PGPEP1L: variants seen among roughly 807,000 people sequenced by gnomAD.
PGPEP1L encodes pyroglutamyl-peptidase 1-like protein.
PGPEP1L carries 7 observed loss-of-function variants against 6.0 expected under a neutral mutation model. The observed-to-expected ratio is 1.17, with a 90% CI of 0.66 to 2.19. The LOEUF is 2.19. PGPEP1L is among the 30% of genes most tolerant of loss of function. PGPEP1L has a pLI of 0.00. For synonymous variants in PGPEP1L, 103 were observed against 83.9 expected (o/e 1.23, Z -1.24); for missense variants, 209 against 192.5 (o/e 1.09, Z -0.51).
chr15:98,981,501 A>AAC (rs1555471084), intron 2 of PGPEP1L, among the ~76,000 whole-genome samples: 91 of 149,044 alleles, frequency 6.1e-4, no homozygotes, highest in African/African-American at 2.2e-3. Flanking sequence ...AAAAAAAAAA[A>AAC]AAAAACAAAA....
At chr15:98,971,324 G>A (rs1227581221) in intron 2 of PGPEP1L, among the ~76,000 whole-genome samples, 166 bp from the exon 3 acceptor site, 1 of 151,934 alleles carries the variant, frequency 6.6e-6, no homozygotes, top group East Asian at 1.9e-4. Flanking sequence ...CAAGAAGAGA[G>A]CCACAGTTCC....
chr15:98,982,960 C>G (rs1033056796), intron 2 of PGPEP1L, among the ~76,000 whole-genome samples: 1 of 151,976 alleles, frequency 6.6e-6, no homozygotes, highest in Admixed American at 6.6e-5. Flanking sequence ...ATCCACCTGC[C>G]TCAGCCTCCC....
chr15:98,979,677 G>A (rs1429106130), intron 2 of PGPEP1L, among the ~76,000 whole-genome samples: 2 of 104,792 alleles, frequency 1.9e-5, no homozygotes, highest in African/African-American at 7.4e-5. Context: ...TGGAGACAGA[G>A]TCTCACTCTG....
intron 2 of PGPEP1L, among the ~76,000 whole-genome samples, chr15:99,004,602 C>T (rs2018021538): frequency 6.6e-6 from 1 of 152,138 alleles, no homozygotes; most frequent in Non-Finnish European, 1.5e-5. Context: ...CCTGTAGTCC[C>T]AGCTACTCGG....
intron 2 of PGPEP1L, chr15:98,998,002 CCCTGCG>C (rs2017911304): frequency 6.6e-6 from 1 of 152,534 alleles, no homozygotes; most frequent in Admixed American, 6.5e-5. Flanking sequence ...TTCCCCCTGC[CCCTGCG>C]GATCTGGTTA....
Position 98,971,295 on chromosome 15 carries a change from T to G in PGPEP1L, c.-141-137A>C, listed in dbSNP as rs571899606. 442 of 1,234,596 alleles carry G rather than the reference T, an allele frequency of 3.6e-4. 3 individuals are homozygous for G. The African/African-American group carries it at 6.5e-3, about 18-fold the overall frequency. 76.5% of individuals were successfully genotyped at this position (1,234,596 alleles called of 1,614,324 possible). A position where few individuals can be genotyped will look rare whatever the true frequency, so the allele number is the denominator to read the frequency against. The stretch of plus-strand genomic sequence containing the variant: ...AGCCTGGACTTTGCCCTCAAGGAGC[T>G]CACAAAGTGGCAAGGGGCCAAGAAG... On this transcript the variant is annotated intron_variant, in intron 2 of 4. Transcript: ENST00000535714.
chr15:98,985,029 G>A (rs1001246288), intron 2 of PGPEP1L, among the ~76,000 whole-genome samples: 3 of 152,058 alleles, frequency 2.0e-5, no homozygotes, highest in Admixed American at 1.3e-4. Context: ...TGGTCACCAC[G>A]CACACGGCCC....
chr15:98,972,744 A>C (rs1819164210), intron 2 of PGPEP1L, among the ~76,000 whole-genome samples: 1 of 151,690 alleles, frequency 6.6e-6, no homozygotes, highest in Non-Finnish European at 1.5e-5. Context: ...GGTGGCAGGC[A>C]CCTGTAGTCC....
intron 3 of PGPEP1L, 136 bp downstream of exon 3, chr15:98,970,900 G>T: frequency 7.8e-7 from 1 of 1,278,756 alleles, no homozygotes; most frequent in East Asian, 2.5e-5. Context: ...ACAATCAGCT[G>T]GGACCTTGCA....
intron 2 of PGPEP1L, among the ~76,000 whole-genome samples, chr15:98,972,069 T>A (rs2017505218): frequency 6.6e-6 from 1 of 152,150 alleles, no homozygotes; most frequent in African/African-American, 2.4e-5. Context: ...ATAAATAGCA[T>A]GGGCCAGGCA....
intron 2 of PGPEP1L, among the ~76,000 whole-genome samples, chr15:98,975,983 T>TG (rs2017563963): frequency 6.6e-6 from 1 of 151,810 alleles, no homozygotes; most frequent in Non-Finnish European, 1.5e-5. Flanking sequence ...AAAAGACAAA[T>TG]GTGTGATTTC....
At chr15:99,002,648 T>A (rs534286990) in intron 2 of PGPEP1L, among the ~76,000 whole-genome samples, 25 of 151,804 alleles carry the variant, frequency 1.6e-4, no homozygotes, top group African/African-American at 5.8e-4. Context: ...TATATTTATT[T>A]CAAAATAAAA....
At chr15:98,971,188 A>T in intron 2 of PGPEP1L, 30 bp from the exon 3 acceptor site, 23 of 564,768 alleles carry the variant, frequency 4.1e-5, no homozygotes, top group East Asian at 1.1e-4. Flanking sequence ...GACTTGCCTC[A>T]GTTGATGGGG....
chr15:98,978,194 AAC>A (rs1164296821), intron 2 of PGPEP1L, among the ~76,000 whole-genome samples: 1 of 152,206 alleles, frequency 6.6e-6, no homozygotes, highest in Non-Finnish European at 1.5e-5. Flanking sequence ...CAAGAGAGGA[AAC>A]ACAGCAGCAC....
At chr15:98,993,581 A>C (rs1465122366) in intron 2 of PGPEP1L, among the ~76,000 whole-genome samples, 1 of 151,726 alleles carries the variant, frequency 6.6e-6, no homozygotes, top group African/African-American at 2.4e-5. Context: ...ACAGAAAATC[A>C]AACACTGCAT....
At chr15:98,999,574 T>C (rs2017931945) in intron 2 of PGPEP1L, among the ~76,000 whole-genome samples, 1 of 152,210 alleles carries the variant, frequency 6.6e-6, no homozygotes, top group South Asian at 2.1e-4. Flanking sequence ...CTCCTGGACA[T>C]TTATCTCAGA....
At position 98,971,137 on chromosome 15, in the gene PGPEP1L, C is replaced by G. The variant is rs1173626645; in HGVS notation, c.-120G>C. The G allele has an allele frequency of 1.2e-6, 2 of 1,603,296 alleles. No homozygotes were observed. Among genetic ancestry groups the G allele is most frequent in the African/African-American group, 2.7e-5 (2 of 73,548 alleles). On this transcript the variant is annotated 5_prime_UTR_variant, in exon 3 of 5. Coordinates refer to ENST00000535714, the MANE Select transcript of PGPEP1L (RefSeq NM_001167902.2). ...CGCAGCTGCACCACTGTTTCATTCCCCAGGCCCAGCTTGGAGAGCTCCTGA... is the reference window on the plus strand; with the variant it reads ...CGCAGCTGCACCACTGTTTCATTCCGCAGGCCCAGCTTGGAGAGCTCCTGA...
chr15:98,987,820 G>A (rs915163758), intron 2 of PGPEP1L, among the ~76,000 whole-genome samples: 2 of 152,126 alleles, frequency 1.3e-5, no homozygotes, highest in African/African-American at 2.4e-5. Flanking sequence ...GACAGTGGGT[G>A]CAGCCCACAG....
intron 2 of PGPEP1L, among the ~76,000 whole-genome samples, chr15:98,985,777 T>C (rs1251306445): frequency 6.6e-6 from 1 of 152,212 alleles, no homozygotes; most frequent in Non-Finnish European, 1.5e-5. Context: ...ATGGGAACAA[T>C]TTCAATGCCT....
Sources: gnomAD v4.1 joint callset for allele counts (sites outside exome capture counted in the v4.1 genomes callset) on GRCh38, gnomAD v4.1.1 for gene constraint, MANE v1.5 for transcripts, NCBI Gene and HGNC (gene_info 2026-07-23, HGNC 2026-07-21) for gene names.